TSPAN18: variants seen among roughly 807,000 people sequenced by gnomAD.
The protein encoded by TSPAN18 is tetraspanin-18.
Under a neutral mutation model 27.3 loss-of-function variants are expected in TSPAN18, and 14 were observed. The ratio of observed to expected loss-of-function variants is 0.51; its 90% CI spans 0.34 to 0.80. TSPAN18 has a LOEUF of 0.80. TSPAN18 is among the 30% of genes least tolerant of loss of function. TSPAN18 has a pLI of 0.01. For synonymous variants in TSPAN18, 143 were observed against 136.5 expected, an observed-to-expected ratio of 1.05 and a Z score of -0.33; for missense variants, 268 against 323.9, an observed-to-expected ratio of 0.83 and a Z score of 1.32.
At chr11:44,830,297 GGC>G (rs1857128758) in intron 2 of TSPAN18, among the ~76,000 whole-genome samples, 1 of 152,140 alleles carries the variant, frequency 6.6e-6, no homozygotes, top group African/African-American at 2.4e-5. Context: ...TTGCCTTCAT[GGC>G]ACATATTTCA....
rs570904055 is a variant in TSPAN18 at position 44,815,328 on chromosome 11, A to G, written c.-152-45000A>G. On this transcript the variant is annotated intron_variant, in intron 2 of 9. Coordinates refer to ENST00000520358, the MANE Select transcript of TSPAN18 (RefSeq NM_130783.5). ...CGAAACAAGGGACCAAAATGAGCCCATGTGCACTCCCAGAAGATGACTAAG... is the reference window on the plus strand; with the variant it reads ...CGAAACAAGGGACCAAAATGAGCCCGTGTGCACTCCCAGAAGATGACTAAG... Among the ~76,000 whole-genome samples, 6 of 152,336 alleles carry G rather than the reference A, an allele frequency of 3.9e-5. No homozygotes were observed. In the South Asian group the frequency reaches 1.0e-3, roughly 26 times the overall value.
chr11:44,759,306 A>G (rs1024425516), intron 1 of TSPAN18, among the ~76,000 whole-genome samples: 1 of 152,184 alleles, frequency 6.6e-6, no homozygotes, highest in Non-Finnish European at 1.5e-5. Context: ...CTGTAGATCT[A>G]TGGATACAAC....
chr11:44,746,384 G>C (rs1855077732), intron 1 of TSPAN18, among the ~76,000 whole-genome samples: 1 of 152,170 alleles, frequency 6.6e-6, no homozygotes, highest in Non-Finnish European at 1.5e-5. Context: ...CTATCTTGGT[G>C]ATTTGGGGTG....
intron 2 of TSPAN18, among the ~76,000 whole-genome samples, chr11:44,832,699 T>G (rs1196466612): frequency 6.6e-6 from 1 of 152,216 alleles, no homozygotes; most frequent in Non-Finnish European, 1.5e-5. Context: ...GCTGACCTTC[T>G]TCCTTGTTCC....
At chr11:44,832,203 G>A (rs928321491) in intron 2 of TSPAN18, among the ~76,000 whole-genome samples, 9 of 152,164 alleles carry the variant, frequency 5.9e-5, no homozygotes, top group Admixed American at 5.9e-4. Flanking sequence ...GCCCGTGCTA[G>A]GTGGGCAGTG....
chr11:44,779,356 G>A (rs1869275), intron 2 of TSPAN18, among the ~76,000 whole-genome samples: 6,798 of 152,210 alleles, frequency 0.045, 295 homozygotes, highest in East Asian at 0.16. Flanking sequence ...GCTTTCAGAT[G>A]CCAATAAAAA....
At chr11:44,800,017 T>TG (rs1361238588) in intron 2 of TSPAN18, among the ~76,000 whole-genome samples, 5 of 148,738 alleles carry the variant, frequency 3.4e-5, no homozygotes, top group East Asian at 2.0e-4. Context: ...TTTTTTTTTT[T>TG]TTTTTTTTTT....
At chr11:44,908,778 A>AGAAAGAAG (rs1564992639) in intron 4 of TSPAN18, among the ~76,000 whole-genome samples, 3 of 112,458 alleles carry the variant, frequency 2.7e-5, no homozygotes, top group South Asian at 6.4e-4. Context: ...GGAGAAAGAA[A>AGAAAGAAG]GAAAGAAAGA....
intron 3 of TSPAN18, among the ~76,000 whole-genome samples, 185 bp from the exon 4 acceptor site, chr11:44,906,222 A>G (rs1859446351): frequency 6.6e-6 from 1 of 152,220 alleles, no homozygotes; most frequent in Non-Finnish European, 1.5e-5. Context: ...TAGCGAATGA[A>G]AGCTAGAGCC....
intron 2 of TSPAN18, among the ~76,000 whole-genome samples, chr11:44,781,365 C>T (rs1855936081): frequency 6.6e-6 from 1 of 152,192 alleles, no homozygotes; most frequent in South Asian, 2.1e-4. Context: ...GGCTAAGTGG[C>T]TGCTTTGTGT....
chr11:44,772,809 C>A (rs1000443656), intron 2 of TSPAN18, among the ~76,000 whole-genome samples: 2 of 152,114 alleles, frequency 1.3e-5, no homozygotes, highest in Admixed American at 1.3e-4. Context: ...CAGACATGTG[C>A]CACCACGCCC....
intron 3 of TSPAN18, among the ~76,000 whole-genome samples, chr11:44,875,819 C>T (rs1183768358): frequency 1.3e-5 from 2 of 152,228 alleles, no homozygotes; most frequent in South Asian, 2.1e-4. Flanking sequence ...TTATATAAAA[C>T]GCCTCATCCG....
intron 3 of TSPAN18, among the ~76,000 whole-genome samples, chr11:44,880,509 G>A (rs1046136288): frequency 1.3e-5 from 2 of 152,182 alleles, no homozygotes; most frequent in African/African-American, 4.8e-5. Flanking sequence ...CTGGCACATG[G>A]GGCATATTCA....
intron 2 of TSPAN18, among the ~76,000 whole-genome samples, chr11:44,784,268 G>A (rs1352172073): frequency 6.6e-6 from 1 of 152,308 alleles, no homozygotes; most frequent in East Asian, 1.9e-4. Context: ...TAGTTAGACT[G>A]TGGGGCTCCC....
intron 3 of TSPAN18, among the ~76,000 whole-genome samples, chr11:44,905,903 C>A (rs2135324858): frequency 6.6e-6 from 1 of 152,288 alleles, no homozygotes; most frequent in East Asian, 1.9e-4. Context: ...CAAGCAACCG[C>A]CCTGGTCTGT....
At chr11:44,825,770 A>G (rs1416748066) in intron 2 of TSPAN18, among the ~76,000 whole-genome samples, 1 of 152,096 alleles carries the variant, frequency 6.6e-6, no homozygotes, top group African/African-American at 2.4e-5. Flanking sequence ...AGGCCATTTC[A>G]CGGATCCTCA....
chr11:44,877,102 A>G (rs916554044), intron 3 of TSPAN18, among the ~76,000 whole-genome samples: 2 of 152,236 alleles, frequency 1.3e-5, no homozygotes, highest in African/African-American at 4.8e-5. Context: ...AGGGCCATGC[A>G]CTGCCGCTTC....
At chr11:44,831,629 C>T (rs1047561528) in intron 2 of TSPAN18, among the ~76,000 whole-genome samples, 1 of 152,220 alleles carries the variant, frequency 6.6e-6, no homozygotes, top group East Asian at 1.9e-4. Flanking sequence ...CTCGCTCACT[C>T]ACTCATTCAT....
At chr11:44,792,744 C>T (rs1043034786) in intron 2 of TSPAN18, among the ~76,000 whole-genome samples, 1 of 152,128 alleles carries the variant, frequency 6.6e-6, no homozygotes, top group Non-Finnish European at 1.5e-5. Flanking sequence ...AAGGAGTGGA[C>T]CTCCACCCCG....
Sources: allele counts gnomAD v4.1 joint callset (sites outside exome capture counted in the v4.1 genomes callset), GRCh38; gene constraint gnomAD v4.1.1; transcripts MANE v1.5; gene names NCBI Gene and HGNC (gene_info 2026-07-23, HGNC 2026-07-21).